Variants in ZNF469 observed in about 807,000 individuals in gnomAD.
ZNF469 encodes the protein zinc finger protein 469.
In ZNF469, 1 loss-of-function variant was observed where a neutral mutation model predicts 1.0. The ratio of observed to expected loss-of-function variants is 1.00; its 90% CI spans 0.35 to 4.73. The LOEUF is 4.73. Ranked by LOEUF, ZNF469 falls within the 30% of genes most tolerant of loss-of-function variation. ZNF469 has a pLI of 0.16. For missense variants in ZNF469, 6,100 were observed against 5,356.3 expected (o/e 1.14, Z -4.33); for synonymous variants, 2,703 against 2,363.4 (o/e 1.14, Z -4.17).
At position 88,433,397 on chromosome 16, in the gene ZNF469, G is replaced by A. The variant is rs1906339529; in HGVS notation, c.5927G>A (p.Gly1976Glu). 6.5e-7 allele frequency: 1 copy of A among 1,550,250 alleles called. No individual in the cohort carries two copies. The highest frequency in any genetic ancestry group is 1.4e-5 in the African/African-American group (1 of 73,056). The change falls in exon 3 of 3, where the codon GGG becomes GAG. Residue 1976 changes from glycine (G) to glutamate (E), a missense_variant. Gly to Glu is a moderately conservative substitution (Grantham distance 98). Coordinates refer to ENST00000565624, the MANE Select transcript of ZNF469 (RefSeq NM_001367624.2). ...TLPAVAGHQL[G>E]LEADGHWGLL... ...CCTGCAGTGGCCGGACATCAGCTGG[G>A]GCTGGAGGCAGATGGACATTGGGGC...
Position 88,436,375 on chromosome 16 carries a change from G to A in ZNF469, c.8905G>A (p.Ala2969Thr). The A allele has an allele frequency of 6.5e-7, 1 of 1,550,140 alleles. No individual in the cohort carries two copies. The highest frequency in any genetic ancestry group is 8.7e-7 in the Non-Finnish European group (1 of 1,146,912). The change falls in exon 3 of 3, where the codon GCT (alanine) becomes ACT (threonine). Residue 2969 changes from alanine (A) to threonine (T), a missense_variant. Ala to Thr is a moderately conservative substitution (Grantham distance 58). Transcript: ENST00000565624. Reference sequence around the variant, plus strand: ...GTGGGCCCTGGAGCCCAGCAGGGAAGCTGGTGCAGAGAAGCTGCCCTCCCA... The same window carrying A: ...GTGGGCCCTGGAGCCCAGCAGGGAAACTGGTGCAGAGAAGCTGCCCTCCCA... ...SLWALEPSRE[A>T]GAEKLPSHCP...
chr16:88,149,876 C>A, the ZNF469 span, among the ~76,000 whole-genome samples: 1 of 152,220 alleles, frequency 6.6e-6, no homozygotes, highest in Non-Finnish European at 1.5e-5. Context: ...CCTTCAAAGC[C>A]CTGTTCACAT....
At chr16:88,389,625 C>G (rs1328019266) in intron 1 of ZNF469, among the ~76,000 whole-genome samples, 1 of 152,210 alleles carries the variant, frequency 6.6e-6, no homozygotes. Flanking sequence ...GTGGGAACCT[C>G]TTACCCCGAC....
At chr16:88,178,394 G>C in the ZNF469 span, 1 of 152,226 alleles carries the variant, frequency 6.6e-6, no homozygotes, top group Non-Finnish European at 1.5e-5. Flanking sequence ...CCGGCGTTCT[G>C]AGAACTGAGC....
chr16:88,438,351 G>C lies in ZNF469; in HGVS notation c.10881G>C (p.Pro3627=). 1.3e-6 allele frequency: 2 copies of C among 1,550,190 alleles called. No individual in the cohort carries two copies. The highest frequency in any genetic ancestry group is 2.4e-5 in the South Asian group (2 of 84,052). Residue 3627 remains proline (P), a synonymous_variant, in exon 3 of 3, where the codon CCG becomes CCC. Transcript: ENST00000565624. ...PLVFSGKRRA[P]GARGRCAPDH... is the part of the protein sequence containing the mutation. ...TGTTCTCAGGGAAACGCAGGGCCCC[G>C]GGTGCCCGTGGCAGGTGTGCCCCTG...
chr16:88,411,162 G>C (rs1364689298), intron 1 of ZNF469, among the ~76,000 whole-genome samples: 1 of 152,120 alleles, frequency 6.6e-6, no homozygotes, highest in Non-Finnish European at 1.5e-5. Flanking sequence ...CTTGCTTTTG[G>C]GGGACACACC....
chr16:88,168,155 C>T, the ZNF469 span, among the ~76,000 whole-genome samples: 7 of 152,302 alleles, frequency 4.6e-5, no homozygotes, highest in Middle Eastern at 3.4e-3. The surrounding 1 kb of genome is among the most constrained non-coding windows in gnomAD (Gnocchi z 4.3). Flanking sequence ...TTTTTATAAG[C>T]CTCTTACCAT....
chr16:88,137,144 G>A, the ZNF469 span, among the ~76,000 whole-genome samples: 1 of 152,166 alleles, frequency 6.6e-6, no homozygotes, highest in Non-Finnish European at 1.5e-5. Flanking sequence ...AACCGTGCAT[G>A]CAATAACCAC....
the ZNF469 span, among the ~76,000 whole-genome samples, chr16:88,105,870 G>T: frequency 2.0e-5 from 3 of 152,214 alleles, no homozygotes; most frequent in Non-Finnish European, 2.9e-5. Context: ...CAGAAGTCAG[G>T]GTGGCCACAC....
chr16:88,200,268 T>G, the ZNF469 span, among the ~76,000 whole-genome samples: 1 of 152,220 alleles, frequency 6.6e-6, no homozygotes, highest in African/African-American at 2.4e-5. Flanking sequence ...GAGAAAGGGC[T>G]AGCCTGTGCC....
the ZNF469 span, among the ~76,000 whole-genome samples, chr16:88,355,885 C>T: frequency 1.3e-5 from 2 of 152,164 alleles, no homozygotes; most frequent in Non-Finnish European, 2.9e-5. Flanking sequence ...ATGCCCTCGG[C>T]GGCCGCCTCT....
At chr16:88,337,036 T>C in the ZNF469 span, among the ~76,000 whole-genome samples, 20,969 of 152,214 alleles carry the variant, frequency 0.14, 2,027 homozygotes, top group African/African-American at 0.27. Context: ...TCACTCCTCT[T>C]CGTGGCTGAA....
chr16:88,301,541 G>A, the ZNF469 span, among the ~76,000 whole-genome samples: 2 of 152,222 alleles, frequency 1.3e-5, no homozygotes, highest in African/African-American at 2.4e-5. Flanking sequence ...ACGCTCACCC[G>A]AACAGCCTCT....
chr16:88,274,250 A>T, the ZNF469 span, among the ~76,000 whole-genome samples: 3 of 152,198 alleles, frequency 2.0e-5, no homozygotes. Context: ...GAGCAGTGAG[A>T]TTCACAGGGC....
At chr16:88,380,675 G>C (rs1311227803), upstream of ZNF469, among the ~76,000 whole-genome samples, 1 of 98,122 alleles carries the variant, frequency 1.0e-5, no homozygotes, top group Admixed American at 1.2e-4. Context: ...CCTCACACAA[G>C]ACATGCATTC....
chr16:88,203,994 C>T, the ZNF469 span, among the ~76,000 whole-genome samples: 1 of 152,108 alleles, frequency 6.6e-6, no homozygotes, highest in African/African-American at 2.4e-5. Context: ...CCATGAACCC[C>T]ACAGAGTGGC....
chr16:88,433,727 G>A lies in ZNF469; in HGVS notation c.6257G>A (p.Arg2086Lys). ...GGATCTGAGGGCCGGACTCCAGAGA[G>A]GGCGTCCAGCCCCGGCCTGAACAAG... ...RSGSEGRTPE[R>K]ASSPGLNKPL... is the part of the protein sequence containing the mutation. Residue 2086 changes from arginine to lysine, a missense_variant, in exon 3 of 3, where the codon AGG becomes AAG. Physicochemically the swap from Arg to Lys is conservative, Grantham distance 26. Transcript: ENST00000565624. The A allele has an allele frequency of 1.3e-6, 2 of 1,548,802 alleles. No individual in the cohort carries two copies. The highest frequency in any genetic ancestry group is 1.4e-5 in the African/African-American group (1 of 73,158).
the ZNF469 span, among the ~76,000 whole-genome samples, chr16:88,165,012 C>T: frequency 1.3e-5 from 2 of 152,230 alleles, no homozygotes; most frequent in Non-Finnish European, 2.9e-5. Context: ...TTTTATCCCC[C>T]CACAGGTGGT....
In ZNF469 at chr16:88,438,776, G is replaced by C. The variant is rs776930117; in HGVS notation, c.11306G>C (p.Ser3769Thr). ...SETATTPAKPSFPSRSPAPER... is the reference protein window; with the variant it reads ...SETATTPAKPTFPSRSPAPER... The stretch of plus-strand genomic sequence containing the variant: ...ACAGCCACCACCCCAGCCAAGCCCA[G>C]CTTCCCCAGCCGGAGCCCTGCACCA... The change falls in exon 3 of 3, where the codon AGC becomes ACC. Residue 3769 changes from serine (S) to threonine (T), a missense_variant. By Grantham distance (58) the Ser-to-Thr change is moderately conservative (BLOSUM62 1). Coordinates refer to ENST00000565624, the MANE Select transcript of ZNF469 (RefSeq NM_001367624.2). The C allele has an allele frequency of 5.8e-6, 9 of 1,550,152 alleles. No homozygotes were observed. In the Admixed American group the frequency reaches 1.2e-4, roughly 20 times the overall value.
Sources: gnomAD v4.1 joint callset for allele counts (sites outside exome capture counted in the v4.1 genomes callset) on GRCh38, gnomAD v4.1.1 for gene constraint, Gnocchi (gnomAD v3.1) non-coding constraint, MANE v1.5 for transcripts, NCBI Gene and HGNC (gene_info 2026-07-23, HGNC 2026-07-21) for gene names.